The following GPR158 variants were observed in gnomAD, a reference collection of about 807,000 sequenced individuals.
The protein encoded by GPR158 is G protein-coupled receptor 158, also known as metabotropic glycine receptor.
In GPR158, 30 loss-of-function variants were observed where a neutral mutation model predicts 78.2. That is an observed-to-expected ratio of 0.38 (90% CI 0.29 to 0.52). The LOEUF is 0.52. Ranked by LOEUF, GPR158 falls within the 20% of genes least tolerant of loss-of-function variation. The probability of loss-of-function intolerance (pLI) is 0.83; values close to 1 mark genes in which losing one functional copy is unlikely to be tolerated. For missense variants in GPR158, 1,463 were observed against 1,523.5 expected, an observed-to-expected ratio of 0.96 and a Z score of 0.66; for synonymous variants, 581 against 591.1, an observed-to-expected ratio of 0.98 and a Z score of 0.25.
At chr10:25,265,488 G>T (rs571120738) in intron 2 of GPR158, among the ~76,000 whole-genome samples, 283 of 152,194 alleles carry the variant, frequency 1.9e-3, no homozygotes, top group African/African-American at 6.4e-3. Flanking sequence ...ACTCCACTGG[G>T]ATTTCATGAT....
intron 4 of GPR158, among the ~76,000 whole-genome samples, chr10:25,443,342 G>T (rs901833206): frequency 6.6e-6 from 1 of 151,852 alleles, no homozygotes; most frequent in Non-Finnish European, 1.5e-5. Context: ...ATCACCTGAG[G>T]TCAGGATTTC....
At chr10:25,185,918 A>G (rs1003794337) in intron 1 of GPR158, among the ~76,000 whole-genome samples, 1 of 152,224 alleles carries the variant, frequency 6.6e-6, no homozygotes, top group African/African-American at 2.4e-5. Flanking sequence ...ACAACAGAAT[A>G]TACATTCTTC....
At chr10:25,264,135 A>G (rs1854008282) in intron 2 of GPR158, among the ~76,000 whole-genome samples, 1 of 152,054 alleles carries the variant, frequency 6.6e-6, no homozygotes, top group African/African-American at 2.4e-5. Context: ...CTTCCTTTTA[A>G]TGAGTCACAC....
intron 1 of GPR158, among the ~76,000 whole-genome samples, chr10:25,204,822 T>TA (rs1852996845): frequency 6.7e-6 from 1 of 150,224 alleles, no homozygotes; most frequent in Admixed American, 6.6e-5. Flanking sequence ...CTGAGGGTTT[T>TA]TTTTTTTTTT....
chr10:25,338,513 TAA>T (rs1855254658), intron 2 of GPR158, among the ~76,000 whole-genome samples: 17 of 132,144 alleles, frequency 1.3e-4, no homozygotes, highest in Admixed American at 6.3e-4. Flanking sequence ...ATATTACGTA[TAA>T]TATACGTATA....
intron 1 of GPR158, among the ~76,000 whole-genome samples, chr10:25,198,048 T>A (rs911778230): frequency 1.3e-5 from 2 of 152,198 alleles, no homozygotes; most frequent in South Asian, 4.1e-4. Context: ...ACTCAAGATA[T>A]ATTTTTCAGG....
chr10:25,342,895 G>A (rs1171818807), intron 2 of GPR158, among the ~76,000 whole-genome samples: 2 of 150,132 alleles, frequency 1.3e-5, no homozygotes, highest in African/African-American at 4.9e-5. Context: ...TGTTTCTATT[G>A]TCACTGTCAG....
intron 5 of GPR158, among the ~76,000 whole-genome samples, chr10:25,500,274 G>C: frequency 6.6e-6 from 1 of 152,122 alleles, no homozygotes; most frequent in African/African-American, 2.4e-5. Flanking sequence ...TTGGGAGCTG[G>C]AGACTTCTTT....
chr10:25,245,831 A>G (rs983613504), intron 2 of GPR158, among the ~76,000 whole-genome samples: 1 of 152,170 alleles, frequency 6.6e-6, no homozygotes, highest in African/African-American at 2.4e-5. Context: ...AATCTTGAAA[A>G]CACTGAGGAA....
In GPR158 at chr10:25,345,593, A is replaced by G. The variant is rs371219932; in HGVS notation, c.1009-50318A>G. On this transcript the variant is annotated intron_variant, in intron 2 of 10. Coordinates refer to ENST00000376351, the MANE Select transcript of GPR158 (RefSeq NM_020752.3). ...TATTCTCATATCCTAGTAATTTGTT[A>G]TCATTTATGATGCAAATGTACTGTT... 8.5e-5 allele frequency among the ~76,000 whole-genome samples: 13 copies of G among 152,112 alleles called. No individual in the cohort carries two copies. The South Asian group carries it at 2.3e-3, about 27-fold the overall frequency.
At chr10:25,386,734 A>G (rs1006452000) in intron 2 of GPR158, among the ~76,000 whole-genome samples, 2 of 152,078 alleles carry the variant, frequency 1.3e-5, no homozygotes, top group Admixed American at 1.3e-4. Flanking sequence ...ATTATTGTAA[A>G]TGAGACTGTT....
intron 5 of GPR158, among the ~76,000 whole-genome samples, chr10:25,500,150 T>G (rs919758982): frequency 6.6e-6 from 1 of 152,242 alleles, no homozygotes; most frequent in Admixed American, 6.5e-5. Context: ...ATGTGAACTT[T>G]GATGGTAACA....
chr10:25,289,463 T>C (rs1462199227), intron 2 of GPR158, among the ~76,000 whole-genome samples: 1 of 152,098 alleles, frequency 6.6e-6, no homozygotes, highest in Non-Finnish European at 1.5e-5. Flanking sequence ...GGCGGAGTCT[T>C]GCTCTGTCAC....
intron 2 of GPR158, among the ~76,000 whole-genome samples, chr10:25,334,857 A>G (rs1238102860): frequency 6.6e-6 from 1 of 151,880 alleles, no homozygotes; most frequent in Non-Finnish European, 1.5e-5. Context: ...TTTCCATCCT[A>G]CTTGTTTCCA....
intron 4 of GPR158, among the ~76,000 whole-genome samples, chr10:25,421,672 T>C (rs1834753915): frequency 6.6e-6 from 1 of 152,206 alleles, no homozygotes. Flanking sequence ...ATTGAACTAA[T>C]AAATATAACA....
intron 2 of GPR158, among the ~76,000 whole-genome samples, chr10:25,330,196 TTA>T (rs1179323139): frequency 6.6e-6 from 1 of 152,150 alleles, no homozygotes; most frequent in Non-Finnish European, 1.5e-5. Flanking sequence ...ACATCTGTGT[TTA>T]TTTCCTTTAA....
At chr10:25,243,717 A>G (rs745890792) in intron 2 of GPR158, among the ~76,000 whole-genome samples, 39 of 152,302 alleles carry the variant, frequency 2.6e-4, no homozygotes, top group Non-Finnish European at 3.8e-4. Flanking sequence ...TAGCTGCACT[A>G]TGTTACTTGT....
rs969677757 is a variant in GPR158, at chr10:25,368,574, C to A, written c.1009-27337C>A. ...AGTAAGAATGGCTATTATTAAAAGT[C>A]AAAAAATAACAGATACTGGTGAGGT... On this transcript the variant is annotated intron_variant, in intron 2 of 10. Coordinates refer to ENST00000376351, the MANE Select transcript of GPR158 (RefSeq NM_020752.3). Among the ~76,000 whole-genome samples, 3 of 151,776 alleles carry A rather than the reference C, an allele frequency of 2.0e-5. No individual in the cohort carries two copies. In the East Asian group the frequency reaches 5.9e-4, roughly 30 times the overall value.
At chr10:25,583,364 T>C (rs987283319) in intron 7 of GPR158, among the ~76,000 whole-genome samples, 1 of 152,210 alleles carries the variant, frequency 6.6e-6, no homozygotes, top group Non-Finnish European at 1.5e-5. Context: ...CACTTGTAAC[T>C]TAACAATTCT....
Sources: allele counts gnomAD v4.1 joint callset (sites outside exome capture counted in the v4.1 genomes callset), GRCh38; gene constraint gnomAD v4.1.1; transcripts MANE v1.5; gene names NCBI Gene and HGNC (gene_info 2026-07-23, HGNC 2026-07-21).